Variants in COL19A1 observed in about 807,000 individuals in gnomAD.
COL19A1 encodes collagen alpha-1(XIX) chain.
Under a neutral mutation model 190.2 loss-of-function variants are expected in COL19A1, and 159 were observed. The observed-to-expected ratio is 0.84, with a 90% CI of 0.73 to 0.95. COL19A1 has a LOEUF of 0.95. Among genes scored for constraint, COL19A1 ranks in the 40% least tolerant of loss-of-function variants. The pLI is 0.00. For synonymous variants in COL19A1, 509 were observed against 458.9 expected, an observed-to-expected ratio of 1.11 and a Z score of -1.39; for missense variants, 1,418 against 1,431.9, an observed-to-expected ratio of 0.99 and a Z score of 0.16.
At chr6:69,877,457 G>A (rs1048350968) in intron 1 of COL19A1, among the ~76,000 whole-genome samples, 45 of 152,150 alleles carry the variant, frequency 3.0e-4, no homozygotes, top group African/African-American at 9.4e-4. Flanking sequence ...TGAGGTAGGC[G>A]TTGCACGTAT....
In COL19A1 at chr6:70,146,685, TG is replaced by T; in HGVS notation, c.1799del (p.Gly600ValfsTer21). ...PGLDGNPGAP[G>X]PRGPKGERGL... The stretch of plus-strand genomic sequence containing the variant: ...GATTAGATGGAAATCCTGGAGCACC[TG>T]GTCCACGTGGGCCAAAGGTATACAA... On this transcript the variant is annotated frameshift_variant, in exon 26 of 51. Coordinates refer to ENST00000620364, the MANE Select transcript of COL19A1 (RefSeq NM_001858.6). LOFTEE classifies it high-confidence loss of function. 6.2e-7 allele frequency: 1 copy of T among 1,607,532 alleles called. No individual in the cohort carries two copies. Among genetic ancestry groups the T allele is most frequent in the Non-Finnish European group, 8.5e-7 (1 of 1,177,106 alleles).
chr6:70,146,725 T>C, intron 26 of COL19A1, 22 bp downstream of exon 26: 1 of 1,602,406 alleles, frequency 6.2e-7, no homozygotes, highest in Non-Finnish European at 8.5e-7. Flanking sequence ...TTATAGTTAA[T>C]TTTTAAGGAA....
At chr6:70,051,509 G>A (rs369393376) in intron 14 of COL19A1, among the ~76,000 whole-genome samples, 24 of 152,256 alleles carry the variant, frequency 1.6e-4, no homozygotes, top group African/African-American at 5.5e-4. Flanking sequence ...TTGCATCACA[G>A]CAAAGTAGGG....
chr6:69,966,371 C>T (rs1775103737), intron 11 of COL19A1, among the ~76,000 whole-genome samples: 1 of 152,188 alleles, frequency 6.6e-6, no homozygotes, highest in Admixed American at 6.5e-5. Flanking sequence ...CAGATTGTTG[C>T]TGTGTCTGTG....
At chr6:70,106,167 C>A (rs1361972187) in intron 16 of COL19A1, among the ~76,000 whole-genome samples, 4 of 152,052 alleles carry the variant, frequency 2.6e-5, no homozygotes, top group Non-Finnish European at 4.4e-5. Context: ...CTCTAAGTCC[C>A]CAATGGCCTG....
chr6:70,129,312 G>C (rs1408195932), intron 17 of COL19A1, among the ~76,000 whole-genome samples: 1 of 152,220 alleles, frequency 6.6e-6, no homozygotes, highest in African/African-American at 2.4e-5. Context: ...GGTAGTCAGA[G>C]AGAGAAAGAG....
intron 27 of COL19A1, among the ~76,000 whole-genome samples, chr6:70,147,654 G>GT (rs966491225): frequency 1.3e-5 from 2 of 151,914 alleles, no homozygotes; most frequent in African/African-American, 2.4e-5. Context: ...GCTGTGTGGG[G>GT]TTTTTTTTCC....
intron 16 of COL19A1, among the ~76,000 whole-genome samples, chr6:70,117,646 G>T (rs1398493986): frequency 6.6e-6 from 1 of 152,156 alleles, no homozygotes. Flanking sequence ...AGATAATTAT[G>T]AATCAGTACA....
At chr6:69,888,870 A>C (rs573351005) in intron 2 of COL19A1, among the ~76,000 whole-genome samples, 1 of 149,896 alleles carries the variant, frequency 6.7e-6, no homozygotes, top group African/African-American at 2.4e-5. Context: ...GTGTTACTTT[A>C]CCTTTTTTTG....
At chr6:69,960,117 A>C in intron 10 of COL19A1, 77 bp downstream of exon 10, 1 of 1,385,090 alleles carries the variant, frequency 7.2e-7, no homozygotes, top group Non-Finnish European at 1.0e-6. Flanking sequence ...AATATTCTGA[A>C]ATTGTATTTG....
intron 1 of COL19A1, among the ~76,000 whole-genome samples, chr6:69,872,054 C>A (rs1767872645): frequency 1.3e-5 from 2 of 152,116 alleles, no homozygotes; most frequent in Non-Finnish European, 2.9e-5. Flanking sequence ...TGACATCAGG[C>A]AATCTGCCTG....
chr6:70,126,354 C>A (rs1785194810), intron 17 of COL19A1, among the ~76,000 whole-genome samples: 1 of 152,072 alleles, frequency 6.6e-6, no homozygotes, highest in African/African-American at 2.4e-5. Flanking sequence ...CTGCAGGCAA[C>A]CTTCCTGGGC....
chr6:70,059,845 A>G (rs748953670), intron 14 of COL19A1: 1 of 499,430 alleles, frequency 2.0e-6, no homozygotes, highest in South Asian at 1.5e-5. Context: ...CTCAATTTAC[A>G]GTTATTTTTA....
chr6:70,007,409 A>G (rs1777700210), intron 11 of COL19A1, among the ~76,000 whole-genome samples: 1 of 152,106 alleles, frequency 6.6e-6, no homozygotes, highest in South Asian at 2.1e-4. Flanking sequence ...GTAAAGAGTA[A>G]CCACAAGAAA....
intron 14 of COL19A1, among the ~76,000 whole-genome samples, chr6:70,042,660 C>G (rs1353548747): frequency 6.6e-6 from 1 of 152,144 alleles, no homozygotes; most frequent in African/African-American, 2.4e-5. Flanking sequence ...AAAGATTTCT[C>G]TGTAGCATGT....
chr6:69,925,466 C>T lies in COL19A1; in HGVS notation c.267-2443C>T, dbSNP rs552316992. Among the ~76,000 whole-genome samples, 18 of 152,212 alleles carry T rather than the reference C, an allele frequency of 1.2e-4. No homozygotes were observed. The South Asian group carries it at 2.5e-3, about 21-fold the overall frequency. ...CTATATCTCTGTTTTGATACCAGTA[C>T]CATGCTGTTTTGGTTACTGTAGCCT... On this transcript the variant is annotated intron_variant, in intron 4 of 50. Coordinates refer to ENST00000620364, the MANE Select transcript of COL19A1 (RefSeq NM_001858.6).
chr6:69,918,351 G>A (rs577324437), intron 4 of COL19A1, among the ~76,000 whole-genome samples: 1 of 152,232 alleles, frequency 6.6e-6, no homozygotes, highest in African/African-American at 2.4e-5. Context: ...GGATAGCATG[G>A]TGATAGTGGA....
At chr6:69,971,784 ATCTG>A (rs1379546781) in intron 11 of COL19A1, among the ~76,000 whole-genome samples, 1 of 152,186 alleles carries the variant, frequency 6.6e-6, no homozygotes, top group East Asian at 1.9e-4. Flanking sequence ...TATAGTTTAA[ATCTG>A]TCTATTTCTC....
intron 2 of COL19A1, among the ~76,000 whole-genome samples, chr6:69,897,458 T>TACACAC (rs71760023): frequency 0.075 from 10,869 of 145,246 alleles, 446 homozygotes; most frequent in South Asian, 0.16. Context: ...TTGTCAGTTT[T>TACACAC]ACACACACAC....
Sources: gnomAD v4.1 joint callset for allele counts (sites outside exome capture counted in the v4.1 genomes callset) on GRCh38, gnomAD v4.1.1 for gene constraint, MANE v1.5 for transcripts, NCBI Gene and HGNC (gene_info 2026-07-23, HGNC 2026-07-21) for gene names.